The following PCDHGA3 variants were observed in gnomAD, a reference collection of about 807,000 sequenced individuals.
PCDHGA3 encodes protocadherin gamma-A3.
PCDHGA3 carries 40 observed loss-of-function variants against 58.5 expected under a neutral mutation model. That is an observed-to-expected ratio of 0.68 (90% confidence interval 0.53 to 0.89). PCDHGA3 has a LOEUF of 0.89. PCDHGA3 is among the 40% of genes least tolerant of loss of function. The pLI is 0.00. For synonymous variants in PCDHGA3, 530 were observed against 525.7 expected (o/e 1.01, Z -0.11); for missense variants, 1,223 against 1,195.9 (o/e 1.02, Z -0.33).
intron 1 of PCDHGA3, chr5:141,423,620 C>T: frequency 6.2e-7 from 1 of 1,608,268 alleles, no homozygotes; most frequent in Middle Eastern, 1.7e-4. Context: ...GCTGAAGACT[C>T]AGCTATCATT....
chr5:141,370,449 C>G, intron 1 of PCDHGA3: 1 of 1,608,694 alleles, frequency 6.2e-7, no homozygotes, highest in East Asian at 2.2e-5. Flanking sequence ...AATGCTATTT[C>G]TCTTCCTGCT....
chr5:141,428,167 G>GCGTGA (rs746443726), intron 1 of PCDHGA3: 3 of 1,548,998 alleles, frequency 1.9e-6, no homozygotes, highest in South Asian at 1.1e-5. Context: ...TGGTTGCTGT[G>GCGTGA]CGTGACGGAG....
At chr5:141,479,842 G>A (rs1167563746) in intron 1 of PCDHGA3, among the ~76,000 whole-genome samples, 3 of 152,172 alleles carry the variant, frequency 2.0e-5, no homozygotes, top group African/African-American at 7.2e-5. Context: ...TCCATGCAAG[G>A]TGACTGCAAG....
intron 1 of PCDHGA3, chr5:141,430,946 G>C: frequency 6.2e-7 from 1 of 1,609,494 alleles, no homozygotes. Context: ...CGCGGAGCGC[G>C]GAGTCCGCAT....
intron 1 of PCDHGA3, among the ~76,000 whole-genome samples, chr5:141,406,473 T>A (rs2094813817): frequency 6.6e-6 from 1 of 152,248 alleles, no homozygotes; most frequent in African/African-American, 2.4e-5. Context: ...CTCTTTGAGG[T>A]TATATTTTTC....
chr5:141,399,528 C>T (rs749580875), intron 1 of PCDHGA3: 10 of 1,613,928 alleles, frequency 6.2e-6, no homozygotes, highest in Non-Finnish European at 7.6e-6. Context: ...GGGCCTCCAT[C>T]GCGCAAGTCT....
At chr5:141,389,328 A>T in intron 1 of PCDHGA3, 1 of 1,613,972 alleles carries the variant, frequency 6.2e-7, no homozygotes. Flanking sequence ...CTTGGGGCCC[A>T]ACGGCCAAGT....
intron 1 of PCDHGA3, chr5:141,365,026 C>G (rs897510737): frequency 2.5e-6 from 4 of 1,613,890 alleles, no homozygotes; most frequent in Non-Finnish European, 3.4e-6. Flanking sequence ...GTGTTACGGT[C>G]CTCGACGCAA....
intron 1 of PCDHGA3, chr5:141,393,806 CA>C (rs1489692597): frequency 6.2e-7 from 1 of 1,613,866 alleles, no homozygotes; most frequent in Non-Finnish European, 8.5e-7. Context: ...TGGGGAGGAC[CA>C]AATTGCTCAT....
intron 1 of PCDHGA3, chr5:141,394,857 G>A: frequency 6.2e-7 from 1 of 1,613,832 alleles, no homozygotes; most frequent in Non-Finnish European, 8.5e-7. Context: ...GAAGCCTTCG[G>A]TCGACCCGAA....
intron 1 of PCDHGA3, chr5:141,350,564 G>C (rs1265156661): frequency 5.6e-6 from 9 of 1,613,938 alleles, no homozygotes; most frequent in Non-Finnish European, 7.6e-6. Context: ...GTGTGCACTA[G>C]AATTCGAAAC....
intron 1 of PCDHGA3, chr5:141,377,329 A>G (rs2150108230): frequency 6.6e-6 from 1 of 152,270 alleles, no homozygotes; most frequent in South Asian, 2.1e-4. Flanking sequence ...GGTTTTAGCT[A>G]GCATGGTGGT....
At chr5:141,357,456 C>A (rs767627723) in intron 1 of PCDHGA3, 1 of 1,614,086 alleles carries the variant, frequency 6.2e-7, no homozygotes, top group African/African-American at 1.3e-5. Flanking sequence ...TCCTGCAGAC[C>A]TATTCCCACG....
Position 141,423,412 on chromosome 5 carries a change from T to C in PCDHGA3, c.2425-71395T>C, listed in dbSNP as rs754410783. 4 of 1,614,166 alleles carry C rather than the reference T, an allele frequency of 2.5e-6. No individual in the cohort carries two copies. The Admixed American group carries it at 6.7e-5, about 27-fold the overall frequency. The stretch of plus-strand genomic sequence containing the variant: ...GCATAAGTCACGCCTGCTGCAGGCT[T>C]CTGAAGGCGGGTTGGCAGGTATGCC... On this transcript the variant is annotated intron_variant, in intron 1 of 3. Coordinates refer to ENST00000253812, the MANE Select transcript of PCDHGA3 (RefSeq NM_018916.4).
chr5:141,489,334 C>T lies in PCDHGA3; in HGVS notation c.2425-5473C>T, dbSNP rs768635851. On this transcript the variant is annotated intron_variant, in intron 1 of 3. Transcript: ENST00000253812. This position sits in a 1 kb window ranked among gnomAD's most constrained non-coding sequence, Gnocchi z 4.5. ...CTGGGGCTGGGTGTCTGGGCAGCTTCGTTACTCAGTGGTGGAGGAGTCTGA... is the reference window on the plus strand; with the variant it reads ...CTGGGGCTGGGTGTCTGGGCAGCTTTGTTACTCAGTGGTGGAGGAGTCTGA... The T allele has an allele frequency of 3.7e-6, 6 of 1,606,732 alleles. No individual in the cohort carries two copies. The highest frequency in any genetic ancestry group is 1.1e-5 in the South Asian group (1 of 90,048).
At position 141,487,235 on chromosome 5, in the gene PCDHGA3, C is replaced by A. The variant is rs752316565; in HGVS notation, c.2425-7572C>A. ...TTCAGCTCCAAGGGAAGGAGAATCT[C>A]GTCTAACCCTCTACTTGGCTGTGTC... On this transcript the variant is annotated intron_variant, in intron 1 of 3. Coordinates refer to ENST00000253812, the MANE Select transcript of PCDHGA3 (RefSeq NM_018916.4). This position sits in a 1 kb window ranked among gnomAD's most constrained non-coding sequence, Gnocchi z 5.0. 11 of 1,614,126 alleles carry A rather than the reference C, an allele frequency of 6.8e-6. No homozygotes were observed. The highest frequency in any genetic ancestry group is 7.6e-6 in the Non-Finnish European group (9 of 1,179,994).
chr5:141,405,185 G>C (rs777099869), intron 1 of PCDHGA3: 4 of 1,613,066 alleles, frequency 2.5e-6, no homozygotes, highest in Non-Finnish European at 3.4e-6. Context: ...GGGTGTAGAT[G>C]GGGTTCGAGC....
Position 141,388,695 on chromosome 5 carries a change from G to A in PCDHGA3, c.2424+42238G>A, listed in dbSNP as rs2091456760. On this transcript the variant is annotated intron_variant, in intron 1 of 3. Coordinates refer to ENST00000253812, the MANE Select transcript of PCDHGA3 (RefSeq NM_018916.4). ...ACAGGTGACTGCCACGGACCAGGAT[G>A]AGGGTGTCAATGCCGAGATTACTTT... The A allele has an allele frequency of 3.7e-6, 6 of 1,614,018 alleles. No homozygotes were observed. Among genetic ancestry groups the A allele is most frequent in the Middle Eastern group, 1.6e-4 (1 of 6,062 alleles).
At chr5:141,419,465 G>C (rs568864628) in intron 1 of PCDHGA3, 77 of 1,612,426 alleles carry the variant, frequency 4.8e-5, no homozygotes, top group Non-Finnish European at 6.4e-5. Context: ...GCAGGCCCGC[G>C]ACCAGGGCTC....
Sources: gnomAD v4.1 joint callset for allele counts (sites outside exome capture counted in the v4.1 genomes callset) on GRCh38, gnomAD v4.1.1 for gene constraint, Gnocchi (gnomAD v3.1) non-coding constraint, MANE v1.5 for transcripts, NCBI Gene and HGNC (gene_info 2026-07-23, HGNC 2026-07-21) for gene names.